The following TMEM161B variants were observed in gnomAD, a reference collection of about 807,000 sequenced individuals.
The protein encoded by TMEM161B is transmembrane protein 161B.
Under a neutral mutation model 61.8 loss-of-function variants are expected in TMEM161B, and 34 were observed. That is an observed-to-expected ratio of 0.55 (90% CI 0.42 to 0.73). The LOEUF (loss-of-function observed/expected upper bound fraction) is 0.73. Among genes scored for constraint, TMEM161B ranks in the 30% least tolerant of loss-of-function variants. The pLI is 0.00. For synonymous variants in TMEM161B, 167 were observed against 192.8 expected (o/e 0.87, Z 1.11); for missense variants, 456 against 558.5 (o/e 0.82, Z 1.85).
intron 8 of TMEM161B, among the ~76,000 whole-genome samples, chr5:88,204,627 G>T (rs1260491055): frequency 6.6e-6 from 1 of 152,046 alleles, no homozygotes; most frequent in Non-Finnish European, 1.5e-5. Flanking sequence ...TAACACTGGG[G>T]TTAGTGGACT....
chr5:88,234,149 A>C (rs1018734121), intron 2 of TMEM161B, among the ~76,000 whole-genome samples: 4 of 152,126 alleles, frequency 2.6e-5, no homozygotes, highest in Non-Finnish European at 5.9e-5. Context: ...TTAAAAAAAA[A>C]GTGTGTGTGG....
chr5:88,224,243 G>C (rs1372042762), intron 4 of TMEM161B, among the ~76,000 whole-genome samples: 1 of 152,064 alleles, frequency 6.6e-6, no homozygotes, highest in Non-Finnish European at 1.5e-5. Flanking sequence ...ATCACTTGGA[G>C]CACTTTTAAA....
Position 88,197,656 on chromosome 5 carries a change from A to C in TMEM161B, c.1186+13T>G. 1 of 1,603,962 alleles carries C rather than the reference A, an allele frequency of 6.2e-7. No homozygotes were observed. Among genetic ancestry groups the C allele is most frequent in the South Asian group, 1.1e-5 (1 of 89,358 alleles). The stretch of plus-strand genomic sequence containing the variant: ...AAGTAAAAGATGCTTCCTAGTTGCC[A>C]GGGCATGCCTACCTAGTGTTTTCAA... On this transcript the variant is annotated intron_variant, in intron 11 of 11. Transcript: ENST00000296595.
At chr5:88,242,116 G>C (rs1247292051) in intron 1 of TMEM161B, among the ~76,000 whole-genome samples, 1 of 151,444 alleles carries the variant, frequency 6.6e-6, no homozygotes, top group Non-Finnish European at 1.5e-5. Flanking sequence ...ATTTTTTCTA[G>C]AGAATAACAG....
chr5:88,211,100 T>G (rs928559668), intron 5 of TMEM161B, among the ~76,000 whole-genome samples: 1 of 152,048 alleles, frequency 6.6e-6, no homozygotes, highest in Non-Finnish European at 1.5e-5. Flanking sequence ...GCAACTATTA[T>G]TAGATGTATC....
chr5:88,201,430 C>T (rs1436163508), intron 9 of TMEM161B: 3 of 152,022 alleles, frequency 2.0e-5, no homozygotes, highest in African/African-American at 7.2e-5. Context: ...TATTTAACCT[C>T]TGAGCCTGTT....
At chr5:88,194,572 T>A (rs1749322488), downstream of TMEM161B, among the ~76,000 whole-genome samples, 1 of 152,166 alleles carries the variant, frequency 6.6e-6, no homozygotes, top group Admixed American at 6.5e-5. Flanking sequence ...ATCTCCATAC[T>A]GTTTTCCATA....
chr5:88,194,663 A>G (rs546884036), downstream of TMEM161B, among the ~76,000 whole-genome samples: 6 of 152,196 alleles, frequency 3.9e-5, no homozygotes, highest in East Asian at 1.2e-3. Flanking sequence ...AAATATTTAA[A>G]TCTACACCCA....
At position 88,225,759 on chromosome 5, in the gene TMEM161B, T is replaced by C; in HGVS notation, c.289+10A>G. ...AGATTTATAGAACATTTTATCAAGATTTCCCTTACCTAAAGTATCCACTTC... is the reference window on the plus strand; with the variant it reads ...AGATTTATAGAACATTTTATCAAGACTTCCCTTACCTAAAGTATCCACTTC... On this transcript the variant is annotated intron_variant, in intron 4 of 11. Transcript: ENST00000296595. 6.5e-7 allele frequency: 1 copy of C among 1,549,818 alleles called. No individual in the cohort carries two copies. Among genetic ancestry groups the C allele is most frequent in the African/African-American group, 1.4e-5 (1 of 73,060 alleles).
chr5:88,233,672 A>T (rs1227043793), intron 2 of TMEM161B, among the ~76,000 whole-genome samples: 1 of 152,198 alleles, frequency 6.6e-6, no homozygotes, highest in Admixed American at 6.5e-5. Flanking sequence ...CTGATGGACT[A>T]AAGGTAGAGA....
intron 1 of TMEM161B, among the ~76,000 whole-genome samples, chr5:88,249,930 C>T (rs1754108512): frequency 6.6e-6 from 1 of 152,070 alleles, no homozygotes; most frequent in Non-Finnish European, 1.5e-5. Context: ...CCCATTTTTG[C>T]CTCAGGAACC....
intron 9 of TMEM161B, 110 bp from the exon 10 acceptor site, chr5:88,199,260 A>G: frequency 4.9e-6 from 5 of 1,030,614 alleles, no homozygotes; most frequent in Non-Finnish European, 6.9e-6. Flanking sequence ...ACTTCGCAAC[A>G]GTTAGACACA....
chr5:88,229,280 G>A (rs554271696), intron 2 of TMEM161B, among the ~76,000 whole-genome samples: 2 of 152,004 alleles, frequency 1.3e-5, no homozygotes, highest in South Asian at 4.1e-4. Flanking sequence ...TATTTTCAAT[G>A]TGCCCTCTCC....
intron 4 of TMEM161B, among the ~76,000 whole-genome samples, chr5:88,225,344 G>T (rs1267978473): frequency 6.6e-6 from 1 of 151,970 alleles, no homozygotes; most frequent in African/African-American, 2.4e-5. Context: ...GTTATGGGGG[G>T]TAAAAAGTCA....
At chr5:88,259,678 T>G (rs1755447799) in intron 1 of TMEM161B, among the ~76,000 whole-genome samples, 1 of 152,222 alleles carries the variant, frequency 6.6e-6, no homozygotes, top group Admixed American at 6.5e-5. Context: ...CAGTGGCAGA[T>G]GTGTTTGACA....
chr5:88,262,061 C>G (rs554851090), intron 1 of TMEM161B, among the ~76,000 whole-genome samples: 1 of 152,104 alleles, frequency 6.6e-6, no homozygotes, highest in Non-Finnish European at 1.5e-5. Flanking sequence ...ATAACAAACT[C>G]TTAATTAAAA....
Position 88,197,757 on chromosome 5 carries a change from T to TAATAAAAA in TMEM161B, c.1097_1098insTTTTTATT (p.Val367PhefsTer3). 1 of 1,611,966 alleles carries TAATAAAAA rather than the reference T, an allele frequency of 6.2e-7. No homozygotes were observed. Among genetic ancestry groups the TAATAAAAA allele is most frequent in the Non-Finnish European group, 8.5e-7 (1 of 1,178,808 alleles). ...CAATGACACAAAGATAATAAAAGAC[T>TAATAAAAA]CGAGCCACCTGCAACCAACAACATT... On this transcript the variant is annotated frameshift_variant, in exon 11 of 12. Transcript: ENST00000296595. LOFTEE classifies it high-confidence loss of function.
At chr5:88,231,135 C>T (rs1055152599) in intron 2 of TMEM161B, among the ~76,000 whole-genome samples, 1 of 152,178 alleles carries the variant, frequency 6.6e-6, no homozygotes, top group Non-Finnish European at 1.5e-5. Flanking sequence ...CATGGAAACT[C>T]TGCTCTTTCC....
At chr5:88,245,771 G>A (rs1208109656) in intron 1 of TMEM161B, among the ~76,000 whole-genome samples, 1 of 151,888 alleles carries the variant, frequency 6.6e-6, no homozygotes, top group East Asian at 1.9e-4. Flanking sequence ...CAAACATGAT[G>A]AGATACTGTT....
Sources: gnomAD v4.1 joint callset for allele counts (sites outside exome capture counted in the v4.1 genomes callset) on GRCh38, gnomAD v4.1.1 for gene constraint, MANE v1.5 for transcripts, NCBI Gene and HGNC (gene_info 2026-07-23, HGNC 2026-07-21) for gene names.